Variants in PCDHGB1 observed in about 807,000 individuals in gnomAD.
PCDHGB1 encodes the protein protocadherin gamma subfamily B, 1.
PCDHGB1 carries 34 observed loss-of-function variants against 56.6 expected under a neutral mutation model. The observed-to-expected ratio is 0.60, with a 90% confidence interval of 0.46 to 0.80. PCDHGB1 has a LOEUF of 0.80. Ranked by LOEUF, PCDHGB1 falls within the 30% of genes least tolerant of loss-of-function variation. The pLI, the probability that PCDHGB1 is intolerant of heterozygous loss-of-function variation, is 0.00. For synonymous variants in PCDHGB1, 561 were observed against 505.9 expected (o/e 1.11, Z -1.46); for missense variants, 1,278 against 1,204.6 (o/e 1.06, Z -0.90).
At chr5:141,371,652 G>A (rs1158442459) in intron 1 of PCDHGB1, 1 of 1,614,048 alleles carries the variant, frequency 6.2e-7, no homozygotes, top group East Asian at 2.2e-5. Flanking sequence ...AGAATACAAT[G>A]TGACGATCAC....
Position 141,476,788 on chromosome 5 carries a change from C to G in PCDHGB1, c.2410-18019C>G. 1 of 1,613,478 alleles carries G rather than the reference C, an allele frequency of 6.2e-7. No homozygotes were observed. Among genetic ancestry groups the G allele is most frequent in the Non-Finnish European group, 8.5e-7 (1 of 1,180,032 alleles). ...CGTTGGACGGAGGGACCCCAGCTCT[C>G]TCCGCCAGCCTGCCTATTCACATCA... On this transcript the variant is annotated intron_variant, in intron 1 of 3. Coordinates refer to ENST00000523390, the MANE Select transcript of PCDHGB1 (RefSeq NM_018922.3). This position sits in a 1 kb window ranked among gnomAD's most constrained non-coding sequence, Gnocchi z 7.6.
intron 1 of PCDHGB1, chr5:141,356,127 T>G (rs1760117791): frequency 1.2e-6 from 2 of 1,613,754 alleles, no homozygotes; most frequent in African/African-American, 2.7e-5. Flanking sequence ...GTCTAGATTA[T>G]GAGGACTCTG....
At chr5:141,440,579 C>G (rs1004258822) in intron 1 of PCDHGB1, 12 of 152,188 alleles carry the variant, frequency 7.9e-5, no homozygotes, top group African/African-American at 2.7e-4. Flanking sequence ...TGAGTTTACC[C>G]AGCTGGAACA....
chr5:141,413,636 T>G, intron 1 of PCDHGB1: 2 of 1,613,876 alleles, frequency 1.2e-6, no homozygotes, highest in South Asian at 2.2e-5. Context: ...GCTGCGGGAA[T>G]GCGTTTTCCT....
rs146574799 is a variant in PCDHGB1, at chr5:141,487,337, G to A, written c.2410-7470G>A. The A allele has an allele frequency of 1.4e-5, 23 of 1,614,054 alleles. No individual in the cohort carries two copies. The highest frequency in any genetic ancestry group is 3.3e-5 in the Admixed American group (2 of 60,002). The stretch of plus-strand genomic sequence containing the variant: ...TAAGTGTCTTCGTGGGGCAGCCTGT[G>A]GAGTCACATGCTTTCCTGCTGGCAC... On this transcript the variant is annotated intron_variant, in intron 1 of 3. Coordinates refer to ENST00000523390, the MANE Select transcript of PCDHGB1 (RefSeq NM_018922.3). The surrounding 1 kb of genome is among the most constrained non-coding windows in gnomAD (Gnocchi z 5.0).
rs181495329 is a variant in PCDHGB1, at chr5:141,489,120, G to A, written c.2410-5687G>A. ...AACTGCTGCAAGCAGGCAAACCTCC[G>A]AGCAGTTTTTAAGAGGCTGGAAGGA... is the stretch of plus-strand genomic sequence containing the variant. On this transcript the variant is annotated intron_variant, in intron 1 of 3. Coordinates refer to ENST00000523390, the MANE Select transcript of PCDHGB1 (RefSeq NM_018922.3). This position sits in a 1 kb window ranked among gnomAD's most constrained non-coding sequence, Gnocchi z 4.5. 1.8e-5 allele frequency: 8 copies of A among 445,672 alleles called. No homozygotes were observed. The East Asian group carries it at 1.9e-4, about 11-fold the overall frequency. The allele number at this position is 445,672 out of a possible 1,614,324, so 27.6% of individuals were successfully genotyped here.
intron 1 of PCDHGB1, chr5:141,399,309 CA>C: frequency 6.2e-7 from 1 of 1,613,902 alleles, no homozygotes; most frequent in Non-Finnish European, 8.5e-7. Flanking sequence ...TCTCTTCATC[CA>C]AAAATTCGTA....
In PCDHGB1 at chr5:141,478,732, T is replaced by C. The variant is rs772167680; in HGVS notation, c.2410-16075T>C. 7.2e-6 allele frequency: 11 copies of C among 1,537,428 alleles called. No homozygotes were observed. In the South Asian group the frequency reaches 1.2e-4, roughly 17 times the overall value. On this transcript the variant is annotated intron_variant, in intron 1 of 3. Transcript: ENST00000523390. ...GAGATGGTGGCCTGCCAGAGTGTGG[T>C]TTGTGGTCCCATTTCAGGGGGAAGA...
intron 1 of PCDHGB1, chr5:141,389,425 C>G (rs1464186383): frequency 6.2e-7 from 1 of 1,613,500 alleles, no homozygotes. Context: ...GTGGTGTTCG[C>G]GCAGCGCGCC....
chr5:141,367,552 A>ATAAATAAG (rs1765229761), intron 1 of PCDHGB1: 1 of 147,664 alleles, frequency 6.8e-6, no homozygotes, highest in South Asian at 2.1e-4. Context: ...AAATAAATAA[A>ATAAATAAG]TAAATAAATA....
intron 1 of PCDHGB1, among the ~76,000 whole-genome samples, chr5:141,463,095 G>C (rs1299676667): frequency 6.6e-6 from 1 of 152,098 alleles, no homozygotes; most frequent in African/African-American, 2.4e-5. Context: ...AGCCCTATGT[G>C]ACCATCAAGA....
In PCDHGB1 at chr5:141,413,486, C is replaced by T. The variant is rs756751796; in HGVS notation, c.2409+60817C>T. On this transcript the variant is annotated intron_variant, in intron 1 of 3. Transcript: ENST00000523390. Reference sequence around the variant, plus strand: ...CGGGAGGAGCTCTGCGCTCAGAGCGCGCGGTGCGTGGTGAGTTTTAATATC... The same window carrying T: ...CGGGAGGAGCTCTGCGCTCAGAGCGTGCGGTGCGTGGTGAGTTTTAATATC... 5.0e-6 allele frequency: 8 copies of T among 1,613,914 alleles called. No homozygotes were observed. The African/African-American group carries it at 9.3e-5, about 19-fold the overall frequency.
At chr5:141,428,155 G>A (rs767716956) in intron 1 of PCDHGB1, 7 of 1,581,618 alleles carry the variant, frequency 4.4e-6, no homozygotes, top group East Asian at 2.2e-5. Flanking sequence ...ACGGGAACCT[G>A]CTGGTTGCTG....
At chr5:141,421,721 T>G in intron 1 of PCDHGB1, 1 of 1,613,940 alleles carries the variant, frequency 6.2e-7, no homozygotes, top group Non-Finnish European at 8.5e-7. Flanking sequence ...GATGTGGGCG[T>G]GAACTCCCTC....
chr5:141,459,260 T>G (rs551625614), intron 1 of PCDHGB1, among the ~76,000 whole-genome samples: 1 of 152,344 alleles, frequency 6.6e-6, no homozygotes, highest in South Asian at 2.1e-4. Flanking sequence ...TAAATTAGTG[T>G]TGCCTCTTTC....
rs1299607088 is a variant in PCDHGB1 at position 141,472,933 on chromosome 5, C to T, written c.2410-21874C>T. ...CCCAAGAGGAGGAGGTTGTGGTGAG[C>T]CAAGATTATGCCATTGCACTCCAGC... On this transcript the variant is annotated intron_variant, in intron 1 of 3. Coordinates refer to ENST00000523390, the MANE Select transcript of PCDHGB1 (RefSeq NM_018922.3). Among the ~76,000 whole-genome samples, 4 of 143,758 alleles carry T rather than the reference C, an allele frequency of 2.8e-5. No individual in the cohort carries two copies. In the Admixed American group the frequency reaches 2.9e-4, roughly 10 times the overall value. 94.3% of individuals were successfully genotyped at this position (143,758 alleles called of 152,430 possible). A position where few individuals can be genotyped will look rare whatever the true frequency, so the allele number is the denominator to read the frequency against.
Position 141,501,290 on chromosome 5 carries a change from TACACACAC to T in PCDHGB1, c.2469-4066_2469-4059del, listed in dbSNP as rs55762287. 3.7e-3 allele frequency among the ~76,000 whole-genome samples: 499 copies of T among 136,222 alleles called. 2 individuals carry two copies. Among genetic ancestry groups the T allele is most frequent in the Middle Eastern group, 0.033 (9 of 270 alleles). 89.4% of individuals were successfully genotyped at this position (136,222 alleles called of 152,430 possible). On this transcript the variant is annotated intron_variant, in intron 2 of 3. Transcript: ENST00000523390. ...GTCCAGTCTATGGGATATTCCCTTA[TACACACAC>T]ACACACACACACACACACACACACA... is the stretch of plus-strand genomic sequence containing the variant.
At chr5:141,453,700 G>A (rs953445370) in intron 1 of PCDHGB1, among the ~76,000 whole-genome samples, 1 of 152,166 alleles carries the variant, frequency 6.6e-6, no homozygotes, top group Non-Finnish European at 1.5e-5. Flanking sequence ...TCCTGGCTTT[G>A]AACAGTTTCA....
At chr5:141,373,265 A>G (rs1038274272) in intron 1 of PCDHGB1, among the ~76,000 whole-genome samples, 1 of 152,258 alleles carries the variant, frequency 6.6e-6, no homozygotes, top group Non-Finnish European at 1.5e-5. Context: ...TTAAAAGTAT[A>G]CACAGATGTT....
Sources: gnomAD v4.1 joint callset for allele counts (sites outside exome capture counted in the v4.1 genomes callset) on GRCh38, gnomAD v4.1.1 for gene constraint, Gnocchi (gnomAD v3.1) non-coding constraint, MANE v1.5 for transcripts, NCBI Gene and HGNC (gene_info 2026-07-23, HGNC 2026-07-21) for gene names.